Variants in TCF7L2 observed in about 807,000 individuals in gnomAD.
TCF7L2 encodes transcription factor 7-like 2.
A neutral mutation model predicts 77.9 loss-of-function variants in TCF7L2; 23 were observed. The ratio of observed to expected loss-of-function variants is 0.30; its 90% CI spans 0.21 to 0.42. The LOEUF is 0.42. Ranked by LOEUF, TCF7L2 falls within the 10% of genes least tolerant of loss-of-function variation. The probability of loss-of-function intolerance (pLI) is 1.00; values close to 1 mark genes in which losing one functional copy is unlikely to be tolerated. For missense variants in TCF7L2, 654 were observed against 793.1 expected, an observed-to-expected ratio of 0.82 and a Z score of 2.11; for synonymous variants, 413 against 340.2, an observed-to-expected ratio of 1.21 and a Z score of -2.36.
chr10:113,151,686 C>G lies in TCF7L2; in HGVS notation c.1002-39C>G, dbSNP rs748085382. ...TGCCATGGAGGAAGTTGGACCACGA[C>G]CTTGTTTATTGGGTTGCGTCTGTTT... On this transcript the variant is annotated intron_variant, in intron 9 of 13. Coordinates refer to ENST00000627217, the MANE Select transcript of TCF7L2 (RefSeq NM_001146274.2). The surrounding 1 kb of genome is among the most constrained non-coding windows in gnomAD (Gnocchi z 5.2). 3.2e-6 allele frequency: 5 copies of G among 1,550,988 alleles called. No homozygotes were observed. The highest frequency in any genetic ancestry group is 2.1e-5 in the Admixed American group (1 of 46,704).
intron 5 of TCF7L2, among the ~76,000 whole-genome samples, chr10:113,119,790 C>T (rs1458854576): frequency 6.6e-6 from 1 of 151,958 alleles, no homozygotes; most frequent in Non-Finnish European, 1.5e-5. Context: ...GAGTTTGGTT[C>T]AGTGCATCTG....
intron 5 of TCF7L2, among the ~76,000 whole-genome samples, chr10:113,135,544 G>C (rs1035704896): frequency 7.2e-5 from 11 of 152,096 alleles, no homozygotes; most frequent in Non-Finnish European, 1.6e-4. Context: ...AATAGATATT[G>C]TTTACTTCAT....
At chr10:113,160,735 G>C (rs771159117) in intron 13 of TCF7L2, 24 of 1,529,604 alleles carry the variant, frequency 1.6e-5, no homozygotes, top group Non-Finnish European at 2.1e-5. Flanking sequence ...AAAGCATTCT[G>C]TCCTTCCGGT....
At chr10:113,068,273 A>G (rs1387796219) in intron 5 of TCF7L2, among the ~76,000 whole-genome samples, 1 of 152,220 alleles carries the variant, frequency 6.6e-6, no homozygotes, top group East Asian at 1.9e-4. Context: ...TTTTTGGACA[A>G]AAAGGCTGCT....
intron 4 of TCF7L2, among the ~76,000 whole-genome samples, chr10:113,026,027 T>A (rs919190327): frequency 2.1e-5 from 3 of 145,580 alleles, no homozygotes; most frequent in South Asian, 2.3e-4. Context: ...TACAGACATG[T>A]GCCACCACGC....
chr10:113,116,020 A>G (rs1564914457), intron 5 of TCF7L2, among the ~76,000 whole-genome samples: 1 of 152,184 alleles, frequency 6.6e-6, no homozygotes, highest in Admixed American at 6.5e-5. Context: ...ATCCTATTTT[A>G]CTCAATGTGT....
intron 5 of TCF7L2, among the ~76,000 whole-genome samples, chr10:113,115,055 A>G (rs967459947): frequency 6.6e-6 from 1 of 152,246 alleles, no homozygotes; most frequent in African/African-American, 2.4e-5. Context: ...CAGCTGAGGA[A>G]GAGCGTTGGA....
At chr10:113,099,707 C>T (rs769762763) in intron 5 of TCF7L2, among the ~76,000 whole-genome samples, 7 of 152,298 alleles carry the variant, frequency 4.6e-5, no homozygotes, top group Non-Finnish European at 8.8e-5. Flanking sequence ...TTCTGCCGTG[C>T]GTTTTGCTGG....
intron 5 of TCF7L2, among the ~76,000 whole-genome samples, chr10:113,109,727 T>G (rs2062874519): frequency 6.6e-6 from 1 of 152,240 alleles, no homozygotes; most frequent in Admixed American, 6.5e-5. Context: ...GAAAGGCTGG[T>G]GGATGTGTTA....
At chr10:113,098,469 G>A (rs1483698504) in intron 5 of TCF7L2, among the ~76,000 whole-genome samples, 1 of 152,166 alleles carries the variant, frequency 6.6e-6, no homozygotes, top group Non-Finnish European at 1.5e-5. Context: ...CACTTTGGGA[G>A]GCCGAGGCAG....
In TCF7L2 at chr10:113,009,002, C is replaced by T. The variant is rs150565716; in HGVS notation, c.451-31023C>T. Reference sequence around the variant, plus strand: ...TGTTGCCCAGGCTGGAGCACAGTGGCGCAATCCACTGTAACCATTGCGTTC... The same window carrying T: ...TGTTGCCCAGGCTGGAGCACAGTGGTGCAATCCACTGTAACCATTGCGTTC... On this transcript the variant is annotated intron_variant, in intron 4 of 13. Transcript: ENST00000627217. Among the ~76,000 whole-genome samples, 145 of 152,238 alleles carry T rather than the reference C, an allele frequency of 9.5e-4. 1 individual carries two copies. Among genetic ancestry groups the T allele is most frequent in the Middle Eastern group, 3.4e-3 (1 of 294 alleles).
intron 3 of TCF7L2, among the ~76,000 whole-genome samples, chr10:112,958,031 C>T (rs181280549): frequency 2.0e-5 from 3 of 152,286 alleles, no homozygotes; most frequent in Admixed American, 6.5e-5. Flanking sequence ...CAATGGCATG[C>T]AGAAACTTAC....
chr10:113,102,385 G>C (rs1182800332), intron 5 of TCF7L2, among the ~76,000 whole-genome samples: 4 of 151,444 alleles, frequency 2.6e-5, no homozygotes, highest in Non-Finnish European at 5.9e-5. Context: ...TGACATACAT[G>C]GAAACTGGCA....
At chr10:113,093,417 T>C (rs1012104483) in intron 5 of TCF7L2, among the ~76,000 whole-genome samples, 1 of 152,196 alleles carries the variant, frequency 6.6e-6, no homozygotes, top group African/African-American at 2.4e-5. Flanking sequence ...CTTCCACTTG[T>C]TCAGGGAGAA....
At chr10:113,070,249 C>G (rs528959513) in intron 5 of TCF7L2, among the ~76,000 whole-genome samples, 6 of 69,706 alleles carry the variant, frequency 8.6e-5, no homozygotes, top group African/African-American at 3.1e-4. Context: ...AGTGAGACTC[C>G]GTCTTAAAAA....
At chr10:113,081,711 T>G (rs1389212721) in intron 5 of TCF7L2, among the ~76,000 whole-genome samples, 1 of 152,204 alleles carries the variant, frequency 6.6e-6, no homozygotes, top group Non-Finnish European at 1.5e-5. Flanking sequence ...TCATCCCTGT[T>G]GCGGAAAACA....
intron 4 of TCF7L2, among the ~76,000 whole-genome samples, chr10:113,020,212 A>G (rs892696621): frequency 6.6e-6 from 1 of 152,232 alleles, no homozygotes; most frequent in African/African-American, 2.4e-5. Context: ...CTTGTTGTCC[A>G]GAACGTGCCT....
intron 5 of TCF7L2, among the ~76,000 whole-genome samples, chr10:113,138,085 C>T (rs2067691044): frequency 6.6e-6 from 1 of 152,140 alleles, no homozygotes; most frequent in Non-Finnish European, 1.5e-5. Context: ...TCCTCTCTTG[C>T]AAGGGAACCC....
At chr10:113,060,490 G>A (rs1377158187) in intron 5 of TCF7L2, among the ~76,000 whole-genome samples, 2 of 152,086 alleles carry the variant, frequency 1.3e-5, no homozygotes, top group East Asian at 1.9e-4. Flanking sequence ...TCAGGGGAGA[G>A]GTTTCTGTTC....
Sources: allele counts gnomAD v4.1 joint callset (sites outside exome capture counted in the v4.1 genomes callset), GRCh38; gene constraint gnomAD v4.1.1; non-coding constraint Gnocchi (gnomAD v3.1); transcripts MANE v1.5; gene names NCBI Gene and HGNC (gene_info 2026-07-23, HGNC 2026-07-21).